Variants in PTPN14 observed in about 807,000 individuals in gnomAD.
PTPN14 encodes protein tyrosine phosphatase non-receptor type 14.
A neutral mutation model predicts 126.8 loss-of-function variants in PTPN14; 53 were observed. The ratio of observed to expected loss-of-function variants is 0.42; its 90% CI spans 0.34 to 0.53. The LOEUF (loss-of-function observed/expected upper bound fraction) is 0.53. Among genes scored for constraint, PTPN14 ranks in the 20% least tolerant of loss-of-function variants. The probability of loss-of-function intolerance (pLI) is 0.08; values close to 1 mark genes in which losing one functional copy is unlikely to be tolerated. For missense variants in PTPN14, 1,257 were observed against 1,552.9 expected (o/e 0.81, Z 3.20); for synonymous variants, 630 against 599.3 (o/e 1.05, Z -0.75).
At chr1:214,436,712 G>A (rs549152904) in intron 3 of PTPN14, among the ~76,000 whole-genome samples, 18 of 151,278 alleles carry the variant, frequency 1.2e-4, no homozygotes, top group Non-Finnish European at 1.9e-4. Flanking sequence ...ACTTGAACCC[G>A]GGAGGCGGAG....
At chr1:214,518,856 T>C (rs552109329) in intron 1 of PTPN14, among the ~76,000 whole-genome samples, 4 of 152,306 alleles carry the variant, frequency 2.6e-5, no homozygotes, top group African/African-American at 9.6e-5. Context: ...GATAAATAAA[T>C]GTTAGTTTGA....
chr1:214,421,723 C>T (rs748403973), intron 3 of PTPN14, among the ~76,000 whole-genome samples: 3 of 152,096 alleles, frequency 2.0e-5, no homozygotes, highest in Non-Finnish European at 4.4e-5. Flanking sequence ...ACCACACACC[C>T]CATACCTGAG....
At position 214,474,869 on chromosome 1, in the gene PTPN14, T is replaced by A. The variant is rs531515866; in HGVS notation, c.-154-9912A>T. Among the ~76,000 whole-genome samples the A allele has an allele frequency of 1.4e-4, 22 of 152,344 alleles. 1 individual carries two copies. The South Asian group carries it at 4.1e-3, about 29-fold the overall frequency. On this transcript the variant is annotated intron_variant, in intron 1 of 18. Transcript: ENST00000366956. ...CTGTCTTGAGATTTCCAGAGAGACA[T>A]GATTTTCCCACAGGAAGCAACTTAG...
At chr1:214,456,853 T>G (rs1660394434) in intron 2 of PTPN14, among the ~76,000 whole-genome samples, 1 of 152,152 alleles carries the variant, frequency 6.6e-6, no homozygotes, top group African/African-American at 2.4e-5. Context: ...ACACAAAACT[T>G]AAAGATGAGA....
chr1:214,386,863 C>CT lies in PTPN14; in HGVS notation c.1046_1047insA (p.Glu350GlyfsTer14). On this transcript the variant is annotated frameshift_variant, in exon 12 of 19. Coordinates refer to ENST00000366956, the MANE Select transcript of PTPN14 (RefSeq NM_005401.5). LOFTEE classifies it high-confidence loss of function. Reference sequence around the variant, plus strand: ...AGTTACCTTGCGAGGTGTGCGTTTCCGAGTAGTGCTCACCACACTGGACGT... The same window carrying CT: ...AGTTACCTTGCGAGGTGTGCGTTTCCTGAGTAGTGCTCACCACACTGGACGT... 1 of 1,606,600 alleles carries CT rather than the reference C, an allele frequency of 6.2e-7. No homozygotes were observed. Among genetic ancestry groups the CT allele is most frequent in the Non-Finnish European group, 8.5e-7 (1 of 1,173,514 alleles).
intron 17 of PTPN14, among the ~76,000 whole-genome samples, chr1:214,365,422 CTT>C (rs1249812022): frequency 6.6e-6 from 1 of 152,154 alleles, no homozygotes; most frequent in Non-Finnish European, 1.5e-5. Flanking sequence ...GCCTTAATGA[CTT>C]TTTCACAACC....
chr1:214,423,104 C>A (rs1045655586), intron 3 of PTPN14, among the ~76,000 whole-genome samples: 6 of 149,714 alleles, frequency 4.0e-5, no homozygotes, highest in African/African-American at 1.5e-4. Context: ...GGCAACATGG[C>A]AAAACCCAAA....
intron 1 of PTPN14, among the ~76,000 whole-genome samples, chr1:214,525,962 CTTT>C (rs34019620): frequency 2.0e-4 from 26 of 130,028 alleles, no homozygotes; most frequent in African/African-American, 2.6e-4. Flanking sequence ...CTAAAGTCAA[CTTT>C]TTTTTTTTTT....
At chr1:214,405,535 G>C (rs75196184) in intron 5 of PTPN14, among the ~76,000 whole-genome samples, 2,575 of 151,354 alleles carry the variant, frequency 0.017, 88 homozygotes, top group African/African-American at 0.06. Flanking sequence ...TCAAACAAAA[G>C]TTTAATTACA....
chr1:214,362,115 T>C (rs1013767141), intron 18 of PTPN14, among the ~76,000 whole-genome samples: 3 of 152,182 alleles, frequency 2.0e-5, no homozygotes, highest in African/African-American at 7.2e-5. Flanking sequence ...AAATCTTTGC[T>C]TGAAACACAA....
chr1:214,547,754 C>G (rs971004587), intron 1 of PTPN14, among the ~76,000 whole-genome samples: 22 of 152,088 alleles, frequency 1.4e-4, no homozygotes, highest in African/African-American at 4.6e-4. Flanking sequence ...AAGAAGTATA[C>G]AAGGAAAAGG....
chr1:214,438,215 G>A (rs1321334352), intron 3 of PTPN14, among the ~76,000 whole-genome samples: 1 of 152,146 alleles, frequency 6.6e-6, no homozygotes, highest in African/African-American at 2.4e-5. Flanking sequence ...AGCCAACCTG[G>A]CTTCCCTGTT....
intron 3 of PTPN14, among the ~76,000 whole-genome samples, chr1:214,446,169 C>G (rs1378592307): frequency 6.6e-6 from 1 of 152,160 alleles, no homozygotes; most frequent in East Asian, 1.9e-4. Context: ...TCTTTAAATC[C>G]TATGGTTTCA....
chr1:214,491,327 C>T (rs1661247177), intron 1 of PTPN14, among the ~76,000 whole-genome samples: 2 of 152,144 alleles, frequency 1.3e-5, no homozygotes, highest in Non-Finnish European at 2.9e-5. Flanking sequence ...CGGCTGTGGG[C>T]TGCCTGTTCT....
chr1:214,435,149 C>T (rs1434832319), intron 3 of PTPN14, among the ~76,000 whole-genome samples: 1 of 152,054 alleles, frequency 6.6e-6, no homozygotes, highest in Non-Finnish European at 1.5e-5. Flanking sequence ...AATTGATTCC[C>T]CCTCACCTAC....
In PTPN14 at chr1:214,384,343, C is replaced by T. The variant is rs756536450; in HGVS notation, c.1512G>A (p.Gly504=). ...GACTGACAAGTTTGTTGCTGTAGAC[C>T]CCCTGTGGCCCATAAGGGACAGTGT... ...HPYTVPYGPQ[G]VYSNKLVSPS... is the part of the protein sequence containing the mutation. The change falls in exon 13 of 19, where the codon GGG becomes GGA. Residue 504 remains glycine, a synonymous_variant. Transcript: ENST00000366956. This position sits in a 1 kb window ranked among gnomAD's most constrained non-coding sequence, Gnocchi z 5.3. 3.3e-4 allele frequency: 528 copies of T among 1,613,956 alleles called. No individual in the cohort carries two copies. The highest frequency in any genetic ancestry group is 4.1e-4 in the Non-Finnish European group (481 of 1,180,012).
intron 5 of PTPN14, among the ~76,000 whole-genome samples, chr1:214,408,555 C>A (rs1440754414): frequency 0.017 from 2,606 of 152,258 alleles, 82 homozygotes; most frequent in African/African-American, 0.059. Context: ...GGCTGTGTGC[C>A]AGATGACAGT....
chr1:214,384,170 T>C lies in PTPN14; in HGVS notation c.1685A>G (p.Tyr562Cys). The C allele has an allele frequency of 6.3e-7, 1 of 1,594,536 alleles. No homozygotes were observed. The highest frequency in any genetic ancestry group is 1.1e-5 in the South Asian group (1 of 88,176). The change falls in exon 13 of 19, where the codon TAT becomes TGT. Residue 562 changes from tyrosine (Y) to cysteine (C), a missense_variant. Coordinates refer to ENST00000366956, the MANE Select transcript of PTPN14 (RefSeq NM_005401.5). The surrounding 1 kb of genome is among the most constrained non-coding windows in gnomAD (Gnocchi z 5.3). ...NYSTAHMLKN[Y>C]LFRPPPPYPR... ...GTAGGGGGGCGGTGGCCTGAAGAGA[T>C]AGTTCTTAAGCATGTGGGCCGTGCT...
intron 5 of PTPN14, among the ~76,000 whole-genome samples, chr1:214,409,066 T>C (rs1659237633): frequency 6.6e-6 from 1 of 152,250 alleles, no homozygotes; most frequent in Admixed American, 6.5e-5. Context: ...CTAATTAACA[T>C]ATCCATCATC....
Sources: allele counts gnomAD v4.1 joint callset (sites outside exome capture counted in the v4.1 genomes callset), GRCh38; gene constraint gnomAD v4.1.1; non-coding constraint Gnocchi (gnomAD v3.1); transcripts MANE v1.5; gene names NCBI Gene and HGNC (gene_info 2026-07-23, HGNC 2026-07-21).